Variants in GTF2H1 observed in about 807,000 individuals in gnomAD.
The protein encoded by GTF2H1 is BTF2 p62.
A neutral mutation model predicts 71.2 loss-of-function variants in GTF2H1; 16 were observed. That is an observed-to-expected ratio of 0.22 (90% CI 0.15 to 0.34). The LOEUF is 0.34. Ranked by LOEUF, GTF2H1 falls within the 10% of genes least tolerant of loss-of-function variation. The probability of loss-of-function intolerance (pLI) is 1.00; values close to 1 mark genes in which losing one functional copy is unlikely to be tolerated. For synonymous variants in GTF2H1, 215 were observed against 219.0 expected (o/e 0.98, Z 0.16); for missense variants, 498 against 648.2 (o/e 0.77, Z 2.52).
At chr11:18,346,627 G>A (rs1865299071) in intron 7 of GTF2H1, among the ~76,000 whole-genome samples, 1 of 151,510 alleles carries the variant, frequency 6.6e-6, no homozygotes, top group Admixed American at 6.6e-5. Context: ...ATAGAGCTTG[G>A]AAAAGTTTAT....
chr11:18,358,591 G>A lies in GTF2H1; in HGVS notation c.1418G>A (p.Arg473Gln), dbSNP rs551071012. ...TATGTAGCTGTTGGAGAACTTCTAC[G>A]ACATTTCTGGTCCTGCTTTCCTGTT... ...HLYVAVGELLRHFWSCFPVNT... is the reference protein window; with the variant it reads ...HLYVAVGELLQHFWSCFPVNT... The change falls in exon 13 of 15, where the codon CGA becomes CAA. Residue 473 changes from arginine to glutamine, a missense_variant. Around this residue, in one of 3 missense-constraint regions of GTF2H1, gnomAD observed 266 missense variants for 301.6 expected, o/e 0.88. Transcript: ENST00000265963. 18 of 1,612,668 alleles carry A rather than the reference G, an allele frequency of 1.1e-5. No individual in the cohort carries two copies. The highest frequency in any genetic ancestry group is 3.3e-5 in the Admixed American group (2 of 60,004).
chr11:18,323,315 GAGAC>G (rs1437311040), intron 1 of GTF2H1, among the ~76,000 whole-genome samples: 5 of 151,704 alleles, frequency 3.3e-5, no homozygotes, highest in Admixed American at 3.3e-4. Context: ...TTTTTTTTAA[GAGAC>G]AGAGTCTTGT....
chr11:18,344,548 G>A (rs558601383), intron 7 of GTF2H1, among the ~76,000 whole-genome samples: 17 of 151,076 alleles, frequency 1.1e-4, no homozygotes, highest in African/African-American at 3.9e-4. Flanking sequence ...GAACCGGGGA[G>A]GCAGAGGCTG....
chr11:18,357,853 A>G (rs1454955652), intron 11 of GTF2H1, 99 bp from the exon 12 acceptor site: 3 of 739,430 alleles, frequency 4.1e-6, no homozygotes, highest in Non-Finnish European at 7.3e-6. Context: ...AAGGAAAAGC[A>G]CTTCATTGTC....
intron 13 of GTF2H1, 40 bp from the exon 14 acceptor site, chr11:18,360,575 T>G: frequency 3.0e-5 from 29 of 977,132 alleles, no homozygotes; most frequent in Non-Finnish European, 4.4e-5. Flanking sequence ...CTCTACAGCT[T>G]GAGATTTCTC....
At chr11:18,327,770 G>T (rs997880982) in intron 1 of GTF2H1, among the ~76,000 whole-genome samples, 4 of 152,180 alleles carry the variant, frequency 2.6e-5, no homozygotes, top group Admixed American at 2.6e-4. Context: ...TATAGTTTTT[G>T]TAGGGACAGG....
intron 13 of GTF2H1, among the ~76,000 whole-genome samples, chr11:18,360,227 A>G (rs527484468): frequency 9.2e-5 from 14 of 151,914 alleles, no homozygotes; most frequent in African/African-American, 2.9e-4. Context: ...GGTTCAACCA[A>G]TTTTCCTGCC....
intron 1 of GTF2H1, among the ~76,000 whole-genome samples, chr11:18,331,661 C>T (rs570188249): frequency 1.7e-4 from 25 of 149,706 alleles, no homozygotes; most frequent in Admixed American, 1.1e-3. Flanking sequence ...AGTGAAACTC[C>T]GTCTCAAAAA....
At chr11:18,351,207 G>GAGGT (rs1314629726) in intron 9 of GTF2H1, among the ~76,000 whole-genome samples, 1 of 151,708 alleles carries the variant, frequency 6.6e-6, no homozygotes, top group African/African-American at 2.4e-5. Context: ...TTTGGCTGGG[G>GAGGT]AGGTGGTGAT....
intron 5 of GTF2H1, 147 bp downstream of exon 5, chr11:18,339,804 A>C (rs1300850327): frequency 1.7e-6 from 1 of 581,526 alleles, no homozygotes; most frequent in East Asian, 3.0e-5. Context: ...TATGGTAGAT[A>C]CTAGGGGCTC....
At chr11:18,331,328 TTA>T (rs1355319056) in intron 1 of GTF2H1, among the ~76,000 whole-genome samples, 2 of 151,944 alleles carry the variant, frequency 1.3e-5, no homozygotes, top group African/African-American at 4.8e-5. Context: ...AGTGCTGGGA[TTA>T]TAGACAGGAG....
chr11:18,355,665 C>T (rs933816974), intron 11 of GTF2H1, among the ~76,000 whole-genome samples: 12 of 151,920 alleles, frequency 7.9e-5, no homozygotes, highest in Non-Finnish European at 1.3e-4. Context: ...AGGCATGTGT[C>T]ACCATCCCTG....
intron 9 of GTF2H1, among the ~76,000 whole-genome samples, chr11:18,350,674 T>C (rs1469349290): frequency 6.6e-6 from 1 of 152,228 alleles, no homozygotes; most frequent in Non-Finnish European, 1.5e-5. Flanking sequence ...GTTTTCAGAT[T>C]GACGTTTTTT....
chr11:18,356,203 C>A (rs1191237896), intron 11 of GTF2H1, among the ~76,000 whole-genome samples: 1 of 152,018 alleles, frequency 6.6e-6, no homozygotes, highest in African/African-American at 2.4e-5. Flanking sequence ...CATGGCAAAA[C>A]CCCGTCTCTA....
chr11:18,355,766 C>T (rs1177511890), intron 11 of GTF2H1, among the ~76,000 whole-genome samples: 2 of 152,168 alleles, frequency 1.3e-5, no homozygotes, highest in Non-Finnish European at 2.9e-5. Context: ...CCACCTGCCT[C>T]AGCCTCCCAA....
At position 18,347,891 on chromosome 11, in the gene GTF2H1, C is replaced by T. The variant is rs143293506; in HGVS notation, c.1025C>T (p.Ala342Val). The change falls in exon 9 of 15, where the codon GCA (alanine) becomes GTA (valine). Residue 342 changes from alanine (A) to valine (V), a missense_variant. Ala to Val is a moderately conservative substitution (Grantham distance 64, BLOSUM62 0). Transcript: ENST00000265963. ...PSNMDGNSGD[A>V]DCFQPAVKRA... ...AACATGGATGGAAATTCCGGAGATG[C>T]AGACTGCTTTCAGCCAGCAGTCAAA... 9.9e-6 allele frequency: 16 copies of T among 1,613,348 alleles called. No individual in the cohort carries two copies. In the South Asian group the frequency reaches 1.8e-4, roughly 18 times the overall value.
intron 5 of GTF2H1, among the ~76,000 whole-genome samples, chr11:18,340,869 T>G (rs1456239368): frequency 6.6e-6 from 1 of 152,164 alleles, no homozygotes; most frequent in Non-Finnish European, 1.5e-5. Flanking sequence ...TGTAAGCCGC[T>G]GGAGTGCTGA....
chr11:18,339,092 C>G (rs1865098407), intron 4 of GTF2H1, among the ~76,000 whole-genome samples: 2 of 152,122 alleles, frequency 1.3e-5, no homozygotes, highest in Admixed American at 1.3e-4. Context: ...AGTTGGTATT[C>G]TAGTGGAACC....
At chr11:18,361,344 T>C (rs1190252479) in intron 14 of GTF2H1, among the ~76,000 whole-genome samples, 1 of 152,132 alleles carries the variant, frequency 6.6e-6, no homozygotes, top group African/African-American at 2.4e-5. Flanking sequence ...GCATTTGTGA[T>C]AACCATCTCC....
Sources: allele counts gnomAD v4.1 joint callset (sites outside exome capture counted in the v4.1 genomes callset), GRCh38; gene constraint gnomAD v4.1.1; regional missense constraint gnomAD v4.1.1; transcripts MANE v1.5; gene names NCBI Gene and HGNC (gene_info 2026-07-23, HGNC 2026-07-21).